Variants in LARP4B observed in about 807,000 individuals in gnomAD.
LARP4B encodes la-related protein 4B.
Under a neutral mutation model 89.8 loss-of-function variants are expected in LARP4B, and 12 were observed. That is an observed-to-expected ratio of 0.13 (90% CI 0.09 to 0.22). The LOEUF (loss-of-function observed/expected upper bound fraction) is 0.22, where lower values mean the gene tolerates loss of function less well. Ranked by LOEUF, LARP4B falls within the 10% of genes least tolerant of loss-of-function variation. LARP4B has a pLI of 1.00. For missense variants in LARP4B, 757 were observed against 947.7 expected (o/e 0.80, Z 2.64); for synonymous variants, 367 against 363.3 (o/e 1.01, Z -0.12).
intron 1 of LARP4B, among the ~76,000 whole-genome samples, chr10:909,786 TA>T (rs888078301): frequency 1.6e-3 from 227 of 142,510 alleles, no homozygotes; most frequent in African/African-American, 4.3e-3. Flanking sequence ...ACTCCATCTC[TA>T]AAAAAAAAAA....
the LARP4B span, among the ~76,000 whole-genome samples, chr10:952,566 T>A: frequency 1.4e-5 from 1 of 71,542 alleles, no homozygotes; most frequent in African/African-American, 6.0e-5. Flanking sequence ...AAGACAACCT[T>A]TAAAAGGAAG....
chr10:913,694 T>A (rs757691720), intron 1 of LARP4B, among the ~76,000 whole-genome samples: 4 of 152,126 alleles, frequency 2.6e-5, no homozygotes, highest in East Asian at 1.9e-4. Context: ...TGTAATCCCA[T>A]CACTAGGAGT....
intron 1 of LARP4B, among the ~76,000 whole-genome samples, chr10:910,698 T>G (rs1431564525): frequency 6.6e-6 from 1 of 152,248 alleles, no homozygotes; most frequent in Non-Finnish European, 1.5e-5. Context: ...TTTCCACCTC[T>G]GCTCATGGCA....
intron 7 of LARP4B, among the ~76,000 whole-genome samples, chr10:839,178 T>C (rs1430753178): frequency 6.6e-6 from 1 of 152,216 alleles, no homozygotes; most frequent in Non-Finnish European, 1.5e-5. Context: ...GATACTGTAA[T>C]GGTAGATAAT....
At chr10:839,578 T>C (rs867206652) in intron 7 of LARP4B, among the ~76,000 whole-genome samples, 27 of 152,326 alleles carry the variant, frequency 1.8e-4, no homozygotes, top group South Asian at 1.2e-3. Context: ...GAGAAACAGA[T>C]GTTAAAGCCT....
rs539741783 is a variant in LARP4B at position 837,121 on chromosome 10, T to C, written c.647-615A>G. Among the ~76,000 whole-genome samples, 9 of 152,196 alleles carry C rather than the reference T, an allele frequency of 5.9e-5. No homozygotes were observed. The South Asian group carries it at 1.0e-3, about 18-fold the overall frequency. Reference sequence around the variant, plus strand: ...ACAGGTTCTATCAACAGGAAAAAGATAACAACGGAATATTATGAAAAAGTT... The same window carrying C: ...ACAGGTTCTATCAACAGGAAAAAGACAACAACGGAATATTATGAAAAAGTT... On this transcript the variant is annotated intron_variant, in intron 7 of 17. Coordinates refer to ENST00000316157, the MANE Select transcript of LARP4B (RefSeq NM_015155.3).
At chr10:886,329 G>A (rs1835856509) in intron 1 of LARP4B, among the ~76,000 whole-genome samples, 1 of 152,198 alleles carries the variant, frequency 6.6e-6, no homozygotes, top group Non-Finnish European at 1.5e-5. Context: ...ACAGGGCGTG[G>A]AAGAAACAGA....
chr10:862,256 T>TAAAAAAAAAAAAAAAAAAAA (rs10661482), intron 5 of LARP4B, among the ~76,000 whole-genome samples: 3 of 84,394 alleles, frequency 3.6e-5, no homozygotes, highest in African/African-American at 1.6e-4. Flanking sequence ...CCACTGAAGT[T>TAAAAAAAAAAAAAAAAAAAA]AAAAAAAAAA....
At chr10:809,233 G>A (rs1413596461), downstream of LARP4B, 1 of 152,246 alleles carries the variant, frequency 6.6e-6, no homozygotes, top group Non-Finnish European at 1.5e-5. Context: ...GCTTTGGAGA[G>A]AGTGCCATTT....
upstream of LARP4B, among the ~76,000 whole-genome samples, chr10:935,835 C>T (rs1413716757): frequency 1.3e-5 from 2 of 149,172 alleles, no homozygotes; most frequent in Non-Finnish European, 1.5e-5. Context: ...TCTCCTGCCT[C>T]AGCCTCCCGA....
At chr10:880,909 T>C (rs1835643537) in intron 3 of LARP4B, among the ~76,000 whole-genome samples, 1 of 152,284 alleles carries the variant, frequency 6.6e-6, no homozygotes, top group Middle Eastern at 3.4e-3. Flanking sequence ...CACATTCCTC[T>C]CTCAAACCTG....
chr10:947,001 C>T, the LARP4B span, among the ~76,000 whole-genome samples: 1 of 152,130 alleles, frequency 6.6e-6, no homozygotes, highest in African/African-American at 2.4e-5. Context: ...TCCCGAGTAG[C>T]TGGGATTACA....
the LARP4B span, among the ~76,000 whole-genome samples, chr10:966,011 G>A: frequency 6.6e-6 from 1 of 151,850 alleles, no homozygotes; most frequent in African/African-American, 2.4e-5. Flanking sequence ...AGGGACTTAC[G>A]TGTAGATGAA....
At chr10:945,462 G>A in the LARP4B span, among the ~76,000 whole-genome samples, 1,349 of 151,698 alleles carry the variant, frequency 8.9e-3, 10 homozygotes, top group African/African-American at 0.018. Context: ...CAAGGCGGGT[G>A]GATCACAAGG....
the LARP4B span, among the ~76,000 whole-genome samples, chr10:984,492 C>T: frequency 1.4e-3 from 215 of 152,244 alleles, no homozygotes; most frequent in African/African-American, 5.0e-3. Flanking sequence ...CGTACTCAAC[C>T]CATAGAAACA....
chr10:933,257 G>A (rs551503532), upstream of LARP4B: 3 of 152,256 alleles, frequency 2.0e-5, no homozygotes, highest in South Asian at 6.2e-4. Flanking sequence ...CATATTCATG[G>A]TTAACCGTGT....
chr10:869,741 AG>A (rs1273378587), intron 3 of LARP4B, among the ~76,000 whole-genome samples: 6 of 151,872 alleles, frequency 4.0e-5, no homozygotes, highest in African/African-American at 1.2e-4. Flanking sequence ...AAAATTAGCC[AG>A]GTGTAGTGGC....
At chr10:972,455 G>C in the LARP4B span, 1 of 451,178 alleles carries the variant, frequency 2.2e-6, no homozygotes, top group Non-Finnish European at 4.5e-6. Context: ...GTATTACCCA[G>C]TCTGTGGAAT....
intron 7 of LARP4B, among the ~76,000 whole-genome samples, chr10:840,936 C>G (rs929473306): frequency 6.6e-6 from 1 of 152,170 alleles, no homozygotes; most frequent in African/African-American, 2.4e-5. Context: ...CAGATCACTT[C>G]AGGTCAGAAG....
Sources: allele counts gnomAD v4.1 joint callset (sites outside exome capture counted in the v4.1 genomes callset), GRCh38; gene constraint gnomAD v4.1.1; transcripts MANE v1.5; gene names NCBI Gene and HGNC (gene_info 2026-07-23, HGNC 2026-07-21).